The following CHIC1 variants were observed in gnomAD, a reference collection of about 807,000 sequenced individuals.
CHIC1 encodes the protein cysteine rich hydrophobic domain 1, also known as cysteine-rich hydrophobic domain-containing protein 1.
A neutral mutation model predicts 18.5 loss-of-function variants in CHIC1; 7 were observed. The observed-to-expected ratio is 0.38, with a 90% CI of 0.22 to 0.71. The LOEUF is 0.71. CHIC1 is among the 30% of genes least tolerant of loss of function. The pLI, the probability that CHIC1 is intolerant of heterozygous loss-of-function variation, is 0.49. For missense variants in CHIC1, 159 were observed against 176.9 expected, an observed-to-expected ratio of 0.90 and a Z score of 0.57; for synonymous variants, 77 against 73.5, an observed-to-expected ratio of 1.05 and a Z score of -0.25.
At chrX:73,597,601 A>G (rs2057616593) in intron 3 of CHIC1, among the ~76,000 whole-genome samples, 1 of 106,207 alleles carries the variant, frequency 9.4e-6, no homozygotes, top group Non-Finnish European at 1.9e-5. Flanking sequence ...ACACATATAT[A>G]TATACACACA....
chrX:73,678,838 A>G (rs1308847024), intron 3 of CHIC1, among the ~76,000 whole-genome samples: 2 of 111,588 alleles, frequency 1.8e-5, no homozygotes, highest in Non-Finnish European at 3.8e-5. Context: ...TATTCAGCCT[A>G]TAGACCTTGA....
chrX:73,634,725 A>G (rs759945593), intron 3 of CHIC1, among the ~76,000 whole-genome samples: 1 of 111,473 alleles, frequency 9.0e-6, no homozygotes, highest in Non-Finnish European at 1.9e-5. Flanking sequence ...AGGCAATTTA[A>G]CCATACAGAT....
chrX:73,634,024 G>A (rs2057820508), intron 3 of CHIC1, among the ~76,000 whole-genome samples: 1 of 111,839 alleles, frequency 8.9e-6, no homozygotes, highest in Admixed American at 9.5e-5. Context: ...CAAGCTCTTT[G>A]TGGATTCTCT....
At position 73,684,753 on chromosome X, in the gene CHIC1, A is replaced by G. The variant is rs778225987; in HGVS notation, c.*3748A>G. The stretch of plus-strand genomic sequence containing the variant: ...CCTTTAAATAGCAAACAATTGGGAA[A>G]TTTTCCATAAAAATGAATAGGTTTT... On this transcript the variant is annotated 3_prime_UTR_variant, in exon 6 of 6. Coordinates refer to ENST00000373502, the MANE Select transcript of CHIC1 (RefSeq NM_001039840.4). The G allele has an allele frequency of 9.0e-6, 1 of 111,519 alleles. No homozygotes were observed. Among genetic ancestry groups the G allele is most frequent in the East Asian group, 2.8e-4 (1 of 3,536 alleles). 9.2% of individuals were successfully genotyped at this position (111,519 alleles called of 1,213,427 possible). A position where few individuals can be genotyped will look rare whatever the true frequency, so the allele number is the denominator to read the frequency against.
intron 3 of CHIC1, among the ~76,000 whole-genome samples, chrX:73,595,246 C>T (rs1375171255): frequency 9.0e-6 from 1 of 110,798 alleles, no homozygotes; most frequent in African/African-American, 3.3e-5. Context: ...CATAGCTATA[C>T]ACGTGCCATG....
intron 3 of CHIC1, among the ~76,000 whole-genome samples, chrX:73,598,320 T>C (rs980284540): frequency 2.4e-5 from 2 of 82,856 alleles, no homozygotes; most frequent in African/African-American, 1.2e-4. Context: ...GGTTTTGGTT[T>C]GCATTTCTCT....
intron 3 of CHIC1, among the ~76,000 whole-genome samples, chrX:73,601,938 A>G (rs1479119347): frequency 9.5e-6 from 1 of 105,141 alleles, no homozygotes; most frequent in Non-Finnish European, 1.9e-5. Flanking sequence ...AAACACCTCT[A>G]TGCAAATAAA....
At chrX:73,640,698 T>A (rs766941178) in intron 3 of CHIC1, among the ~76,000 whole-genome samples, 2 of 111,966 alleles carry the variant, frequency 1.8e-5, no homozygotes, top group South Asian at 7.4e-4. Context: ...TCATTTCTAA[T>A]ATTCCCTTTG....
At chrX:73,670,632 A>T (rs746877118) in intron 3 of CHIC1, among the ~76,000 whole-genome samples, 14 of 109,931 alleles carry the variant, frequency 1.3e-4, no homozygotes, top group Non-Finnish European at 2.7e-4. Flanking sequence ...CTTTCTTTCA[A>T]ATCTACTGTT....
chrX:73,655,631 T>G (rs868042252), intron 3 of CHIC1, among the ~76,000 whole-genome samples: 4 of 30,745 alleles, frequency 1.3e-4, no homozygotes, highest in African/African-American at 4.7e-4. Flanking sequence ...TATATATATA[T>G]AGTGTGTGTG....
intron 3 of CHIC1, among the ~76,000 whole-genome samples, chrX:73,644,796 G>A (rs1397445905): frequency 9.3e-6 from 1 of 107,577 alleles, no homozygotes; most frequent in Non-Finnish European, 1.9e-5. Flanking sequence ...ATCCAGGTTT[G>A]CTGTTTTTTT....
chrX:73,672,883 G>A (rs1333807664), intron 3 of CHIC1, among the ~76,000 whole-genome samples: 2 of 111,792 alleles, frequency 1.8e-5, no homozygotes, highest in African/African-American at 3.3e-5. Context: ...TTCTTCTAGG[G>A]TTTCTATGGT....
intron 3 of CHIC1, among the ~76,000 whole-genome samples, chrX:73,674,114 G>T (rs1169876362): frequency 8.9e-6 from 1 of 111,859 alleles, no homozygotes; most frequent in African/African-American, 3.3e-5. Flanking sequence ...TGATCATGGT[G>T]GATAAGCTTT....
chrX:73,638,248 G>A (rs1167445661), intron 3 of CHIC1, among the ~76,000 whole-genome samples: 3 of 111,580 alleles, frequency 2.7e-5, no homozygotes, highest in Non-Finnish European at 5.6e-5. Context: ...CTACATGTCT[G>A]TTGCCTCTCT....
intron 2 of CHIC1, among the ~76,000 whole-genome samples, chrX:73,582,349 A>T (rs1271141656): frequency 1.8e-5 from 2 of 110,595 alleles, no homozygotes; most frequent in African/African-American, 6.5e-5. Context: ...CTTTATTTTA[A>T]CTTCTATTTG....
At chrX:73,677,383 A>G (rs1319735913) in intron 3 of CHIC1, among the ~76,000 whole-genome samples, 4 of 112,048 alleles carry the variant, frequency 3.6e-5, no homozygotes, top group Non-Finnish European at 7.5e-5. Context: ...GGCTCCACCC[A>G]GTTCAAGCTT....
chrX:73,616,767 G>A (rs1361852533), intron 3 of CHIC1, among the ~76,000 whole-genome samples: 3 of 111,645 alleles, frequency 2.7e-5, no homozygotes, highest in African/African-American at 6.5e-5. Context: ...GGCTAGGATG[G>A]AGAGCACCAA....
At chrX:73,610,519 C>A (rs1160002368) in intron 3 of CHIC1, among the ~76,000 whole-genome samples, 1 of 107,849 alleles carries the variant, frequency 9.3e-6, no homozygotes, top group Non-Finnish European at 1.9e-5. Context: ...GTTTGGCCAT[C>A]TTGGCCCCTT....
intron 3 of CHIC1, among the ~76,000 whole-genome samples, chrX:73,632,730 T>C (rs1160755326): frequency 9.2e-6 from 1 of 108,957 alleles, no homozygotes; most frequent in South Asian, 3.9e-4. Context: ...GTCATAGAGA[T>C]GTGATTTTAA....
Sources: gnomAD v4.1 joint callset for allele counts (sites outside exome capture counted in the v4.1 genomes callset) on GRCh38, gnomAD v4.1.1 for gene constraint, MANE v1.5 for transcripts, NCBI Gene and HGNC (gene_info 2026-07-23, HGNC 2026-07-21) for gene names.